Variants in SYNE2 observed in about 807,000 individuals in gnomAD.
SYNE2 encodes nesprin-2.
SYNE2 carries 431 observed loss-of-function variants against 856.3 expected under a neutral mutation model. The ratio of observed to expected loss-of-function variants is 0.50; its 90% CI spans 0.47 to 0.55. The LOEUF (loss-of-function observed/expected upper bound fraction) is 0.55. SYNE2 is among the 20% of genes least tolerant of loss of function. SYNE2 has a pLI of 0.00. For missense variants in SYNE2, 8,129 were observed against 8,023.2 expected (o/e 1.01, Z -0.50); for synonymous variants, 2,923 against 2,872.3 (o/e 1.02, Z -0.56).
In SYNE2 at chr14:64,074,050, G is replaced by A; in HGVS notation, c.10780G>A (p.Ala3594Thr). 1 of 1,614,136 alleles carries A rather than the reference G, an allele frequency of 6.2e-7. No individual in the cohort carries two copies. The highest frequency in any genetic ancestry group is 8.5e-7 in the Non-Finnish European group (1 of 1,179,972). The change falls in exon 53 of 116, where the codon GCT becomes ACT. Residue 3594 changes from alanine (A) to threonine (T), a missense_variant. Coordinates refer to ENST00000555002, the MANE Select transcript of SYNE2 (RefSeq NM_182914.3). Reference sequence around the variant, plus strand: ...ACATTCCTTCACAAAAGAGATAATTGCTTTGAAGAATTTCTTTCAACAGAC... The same window carrying A: ...ACATTCCTTCACAAAAGAGATAATTACTTTGAAGAATTTCTTTCAACAGAC... ...ERHSFTKEII[A>T]LKNFFQQTTT... is the part of the protein sequence containing the mutation.
Position 64,224,384 on chromosome 14 carries a change from A to AG in SYNE2, c.20383-73dup. ...AAACAAAAAAAGATTGATTTAAGGT[A>AG]GGGGAGGGTGAGCTATATCATGAAG... On this transcript the variant is annotated intron_variant, in intron 113 of 115. Coordinates refer to ENST00000555002, the MANE Select transcript of SYNE2 (RefSeq NM_182914.3). 3 of 1,172,716 alleles carry AG rather than the reference A, an allele frequency of 2.6e-6. No homozygotes were observed. The Admixed American group carries it at 5.4e-5, about 21-fold the overall frequency. The allele number at this position is 1,172,716 out of a possible 1,614,324, so 72.6% of individuals were successfully genotyped here.
chr14:64,153,122 T>C (rs981495855), intron 85 of SYNE2, among the ~76,000 whole-genome samples: 4 of 152,216 alleles, frequency 2.6e-5, no homozygotes, highest in African/African-American at 9.6e-5. Flanking sequence ...ATGTAGCCTC[T>C]ATGAGCTAGG....
At position 64,168,867 on chromosome 14, in the gene SYNE2, T is replaced by C; in HGVS notation, c.16906-10T>C. ...ACTAGCTGATATTTTCTGCTTGGAC[T>C]CATATACAGATGTTAGAAGCTGAAG... On this transcript the variant is annotated splice_polypyrimidine_tract_variant and intron_variant, in intron 92 of 115. Coordinates refer to ENST00000555002, the MANE Select transcript of SYNE2 (RefSeq NM_182914.3). 6.3e-7 allele frequency: 1 copy of C among 1,588,798 alleles called. No homozygotes were observed. Among genetic ancestry groups the C allele is most frequent in the Non-Finnish European group, 8.6e-7 (1 of 1,157,066 alleles).
chr14:63,947,622 G>T (rs1051619224), intron 6 of SYNE2, among the ~76,000 whole-genome samples: 3 of 152,058 alleles, frequency 2.0e-5, no homozygotes, highest in Admixed American at 2.0e-4. Flanking sequence ...GACCACCTGA[G>T]GTTGGGAGTT....
intron 6 of SYNE2, among the ~76,000 whole-genome samples, chr14:63,945,026 T>C (rs1262234): frequency 0.47 from 68,923 of 146,804 alleles, 17,575 homozygotes; most frequent in South Asian, 0.56. Flanking sequence ...CAGGCTAGCC[T>C]TGAACTCCTG....
intron 7 of SYNE2, among the ~76,000 whole-genome samples, chr14:63,954,086 C>G (rs1048250643): frequency 1.3e-5 from 2 of 152,130 alleles, no homozygotes; most frequent in Non-Finnish European, 2.9e-5. Context: ...GCCAGAATTT[C>G]CCTTCTTTTT....
intron 1 of SYNE2, among the ~76,000 whole-genome samples, chr14:63,892,222 CT>C (rs35353464): frequency 0.42 from 63,727 of 151,700 alleles, 15,130 homozygotes; most frequent in South Asian, 0.55. Flanking sequence ...GACAAACATA[CT>C]GTTATAATTA....
chr14:63,865,091 C>T (rs1894858855), intron 1 of SYNE2, among the ~76,000 whole-genome samples: 1 of 138,940 alleles, frequency 7.2e-6, no homozygotes, highest in East Asian at 2.0e-4. Context: ...AACTAAAATC[C>T]CACGTACTTA....
intron 77 of SYNE2, 24 bp from the exon 78 acceptor site, chr14:64,134,044 TA>T (rs2098057140): frequency 6.2e-7 from 1 of 1,613,642 alleles, no homozygotes; most frequent in Admixed American, 1.7e-5. Flanking sequence ...GGGCTTCCAC[TA>T]ATTTTATGTC....
chr14:64,220,794 C>T (rs1232989204), intron 111 of SYNE2, among the ~76,000 whole-genome samples, 157 bp downstream of exon 111: 7 of 152,172 alleles, frequency 4.6e-5, no homozygotes. Context: ...CAGAGGCTCA[C>T]CGGCCATCTC....
chr14:64,134,350 C>T, intron 78 of SYNE2, 150 bp downstream of exon 78: 1 of 916,994 alleles, frequency 1.1e-6, no homozygotes, highest in East Asian at 2.5e-5. Flanking sequence ...AGGGAGACTA[C>T]AGATTTGAAT....
intron 22 of SYNE2, 28 bp from the exon 23 acceptor site, chr14:63,995,016 T>A: frequency 7.1e-7 from 1 of 1,412,638 alleles, no homozygotes; most frequent in Admixed American, 1.9e-5. Context: ...TTCTCATGGT[T>A]AATATATTCC....
At chr14:63,875,296 T>C (rs1305039754) in intron 1 of SYNE2, among the ~76,000 whole-genome samples, 2 of 152,200 alleles carry the variant, frequency 1.3e-5, no homozygotes, top group East Asian at 3.8e-4. Context: ...CATGTAATAA[T>C]GCAGCATGTG....
chr14:64,137,334 G>A (rs2098101925), intron 78 of SYNE2, among the ~76,000 whole-genome samples: 1 of 152,126 alleles, frequency 6.6e-6, no homozygotes. Context: ...TGGCTAGCTG[G>A]GATTACAGGT....
intron 45 of SYNE2, among the ~76,000 whole-genome samples, chr14:64,037,961 C>T (rs1436372029): frequency 9.2e-5 from 14 of 151,796 alleles, no homozygotes; most frequent in Admixed American, 3.9e-4. Context: ...ACCTCCCTCC[C>T]GGACGGGGCG....
intron 99 of SYNE2, chr14:64,202,305 G>T: frequency 1.4e-6 from 1 of 702,314 alleles, no homozygotes; most frequent in Non-Finnish European, 2.6e-6. Context: ...TCAGAGAGGA[G>T]GGTCCCATGA....
At chr14:64,097,902 A>C in intron 61 of SYNE2, 47 bp from the exon 62 acceptor site, 4 of 1,579,188 alleles carry the variant, frequency 2.5e-6, no homozygotes, top group Non-Finnish European at 3.5e-6. Context: ...CTGGGCCTGC[A>C]GAGGCCTCAG....
At chr14:63,859,041 G>A (rs1892754267) in intron 1 of SYNE2, among the ~76,000 whole-genome samples, 1 of 152,138 alleles carries the variant, frequency 6.6e-6, no homozygotes, top group Admixed American at 6.6e-5. Flanking sequence ...CCTATGCCAG[G>A]AACATTTGGT....
Position 64,152,727 on chromosome 14 carries a change from T to C in SYNE2, c.15792+11T>C, listed in dbSNP as rs535781154. The C allele has an allele frequency of 9.3e-6, 15 of 1,614,018 alleles. No homozygotes were observed. In the South Asian group the frequency reaches 1.2e-4, roughly 13 times the overall value. ...AGTGTTCTCACTCAGGTACTAGAAT[T>C]CATTTGAAATGTGCTATTTCTCTTC... On this transcript the variant is annotated intron_variant, in intron 85 of 115. Coordinates refer to ENST00000555002, the MANE Select transcript of SYNE2 (RefSeq NM_182914.3).
Sources: allele counts gnomAD v4.1 joint callset (sites outside exome capture counted in the v4.1 genomes callset), GRCh38; gene constraint gnomAD v4.1.1; transcripts MANE v1.5; gene names NCBI Gene and HGNC (gene_info 2026-07-23, HGNC 2026-07-21).